The following PKP4 variants were observed in gnomAD, a reference collection of about 807,000 sequenced individuals.
PKP4 encodes the protein plakophilin-4.
In PKP4, 90 loss-of-function variants were observed where a neutral mutation model predicts 145.1. The ratio of observed to expected loss-of-function variants is 0.62; its 90% confidence interval spans 0.52 to 0.74. The LOEUF (loss-of-function observed/expected upper bound fraction) is 0.74, where lower values mean the gene tolerates loss of function less well. PKP4 is among the 30% of genes least tolerant of loss of function. The pLI is 0.00. For synonymous variants in PKP4, 563 were observed against 577.2 expected (o/e 0.98, Z 0.35); for missense variants, 1,340 against 1,482.7 (o/e 0.90, Z 1.58).
At chr2:158,637,513 G>A (rs1430079058) in intron 9 of PKP4, among the ~76,000 whole-genome samples, 9 of 152,052 alleles carry the variant, frequency 5.9e-5, no homozygotes, top group Non-Finnish European at 7.4e-5. Flanking sequence ...TAACCACTTT[G>A]GCACCCACAA....
chr2:158,540,979 C>T (rs1029712772), intron 2 of PKP4, among the ~76,000 whole-genome samples: 3 of 151,766 alleles, frequency 2.0e-5, no homozygotes, highest in Non-Finnish European at 4.4e-5. Flanking sequence ...GAATAATTTC[C>T]CCCTGTATAT....
intron 3 of PKP4, among the ~76,000 whole-genome samples, chr2:158,602,354 A>G (rs1039619246): frequency 6.6e-6 from 1 of 152,208 alleles, no homozygotes. Flanking sequence ...AAAGGAGATC[A>G]TATGTGAAAT....
At chr2:158,534,569 G>A (rs796794977) in intron 2 of PKP4, among the ~76,000 whole-genome samples, 1 of 152,204 alleles carries the variant, frequency 6.6e-6, no homozygotes, top group South Asian at 2.1e-4. Flanking sequence ...GACCCACGGA[G>A]CTGTTAAGAT....
intron 2 of PKP4, among the ~76,000 whole-genome samples, chr2:158,570,140 A>T (rs990521773): frequency 2.6e-5 from 4 of 152,208 alleles, no homozygotes; most frequent in Non-Finnish European, 5.9e-5. Context: ...TGGTCAGGAC[A>T]TTTGATTATC....
At chr2:158,486,614 CAACTCTTCTA>C (rs1694201241) in intron 1 of PKP4, among the ~76,000 whole-genome samples, 1 of 152,238 alleles carries the variant, frequency 6.6e-6, no homozygotes, top group Non-Finnish European at 1.5e-5. Context: ...ATTCCAAATA[CAACTCTTCTA>C]AACTATAAGG....
At chr2:158,478,636 T>A (rs1019401279) in intron 1 of PKP4, among the ~76,000 whole-genome samples, 1 of 152,240 alleles carries the variant, frequency 6.6e-6, no homozygotes, top group African/African-American at 2.4e-5. Flanking sequence ...ACAAGCAAAA[T>A]GTGAATTATC....
intron 1 of PKP4, among the ~76,000 whole-genome samples, chr2:158,486,157 A>T (rs187639169): frequency 5.3e-5 from 8 of 152,324 alleles, no homozygotes; most frequent in African/African-American, 1.9e-4. Flanking sequence ...CAACTTTTTT[A>T]AATTCTTACT....
intron 4 of PKP4, among the ~76,000 whole-genome samples, chr2:158,608,831 T>TTTTG (rs2050877971): frequency 7.4e-6 from 1 of 135,192 alleles, no homozygotes; most frequent in Non-Finnish European, 1.6e-5. Context: ...TTTTTTTTTT[T>TTTTG]GAGACGGAGT....
At position 158,642,540 on chromosome 2, in the gene PKP4, T is replaced by G; in HGVS notation, c.1750T>G (p.Leu584Val). Residue 584 changes from leucine (L) to valine (V), a missense_variant, in exon 11 of 22, where the codon TTG becomes GTG. By Grantham distance (32) the Leu-to-Val change is conservative. Transcript: ENST00000389759. The part of the protein sequence containing the change: ...HLVDLLDHRV[L>V]EVQKNACGAL... ...GGTTGACCTTCTGGACCACAGAGTT[T>G]TGGAAGTTCAGAAGAATGCTTGTGG... 2 of 1,613,762 alleles carry G rather than the reference T, an allele frequency of 1.2e-6. No homozygotes were observed. Among genetic ancestry groups the G allele is most frequent in the Non-Finnish European group, 1.7e-6 (2 of 1,179,694 alleles).
chr2:158,517,658 G>C (rs2042039596), intron 1 of PKP4, among the ~76,000 whole-genome samples: 1 of 151,910 alleles, frequency 6.6e-6, no homozygotes, highest in African/African-American at 2.4e-5. Context: ...GCACATACCT[G>C]TACTCCCAGC....
Position 158,621,329 on chromosome 2 carries a change from A to C in PKP4, c.511A>C (p.Lys171Gln). 1 of 1,614,232 alleles carries C rather than the reference A, an allele frequency of 6.2e-7. No homozygotes were observed. Among genetic ancestry groups the C allele is most frequent in the Non-Finnish European group, 8.5e-7 (1 of 1,180,006 alleles). The change falls in exon 6 of 22, where the codon AAG becomes CAG. Residue 171 changes from lysine (K) to glutamine (Q), a missense_variant. Physicochemically the swap from Lys to Gln is moderately conservative, Grantham distance 53. Transcript: ENST00000389759. ...GSFHNSQNVS[K>Q]ADNRQQHSFI... ...TTTCCACAACAGCCAGAACGTGAGCAAGGCAGACAACAGACAGCAGCATTC... is the reference window on the plus strand; with the variant it reads ...TTTCCACAACAGCCAGAACGTGAGCCAGGCAGACAACAGACAGCAGCATTC...
At chr2:158,596,627 T>TAA (rs3836166) in intron 3 of PKP4, among the ~76,000 whole-genome samples, 58 of 145,474 alleles carry the variant, frequency 4.0e-4, no homozygotes, top group South Asian at 1.1e-3. Context: ...CTTGTCTCTT[T>TAA]AAAAAAAAAA....
At chr2:158,550,087 A>C (rs1036427696) in intron 2 of PKP4, among the ~76,000 whole-genome samples, 6 of 102,142 alleles carry the variant, frequency 5.9e-5, no homozygotes, top group Non-Finnish European at 1.4e-4. Context: ...CTGCTCTCTA[A>C]AGAAGGTTAC....
intron 2 of PKP4, among the ~76,000 whole-genome samples, chr2:158,556,232 G>A (rs1387814205): frequency 6.6e-6 from 1 of 152,082 alleles, no homozygotes; most frequent in East Asian, 1.9e-4. Flanking sequence ...TCTTCATATC[G>A]GGTAGTTTAG....
At chr2:158,639,185 A>G (rs1242647066) in intron 9 of PKP4, among the ~76,000 whole-genome samples, 1 of 152,244 alleles carries the variant, frequency 6.6e-6, no homozygotes, top group Non-Finnish European at 1.5e-5. Context: ...TCAATAAAGG[A>G]TAACTCCTGT....
At chr2:158,472,445 T>TA (rs1043220918) in intron 1 of PKP4, among the ~76,000 whole-genome samples, 3 of 151,296 alleles carry the variant, frequency 2.0e-5, no homozygotes, top group South Asian at 4.2e-4. Context: ...CTGTCTCTAC[T>TA]AAAAAAATAC....
intron 11 of PKP4, among the ~76,000 whole-genome samples, chr2:158,643,867 G>A (rs1325711645): frequency 1.3e-5 from 2 of 152,114 alleles, no homozygotes; most frequent in African/African-American, 2.4e-5. Flanking sequence ...CCGGGTTCAA[G>A]CGATTCTCTC....
At chr2:158,539,481 A>C (rs1032930519) in intron 2 of PKP4, among the ~76,000 whole-genome samples, 5 of 152,234 alleles carry the variant, frequency 3.3e-5, no homozygotes, top group African/African-American at 1.2e-4. Flanking sequence ...CACATGCAGA[A>C]GAGAGAATTT....
At chr2:158,633,430 G>T (rs2053556119) in intron 8 of PKP4, among the ~76,000 whole-genome samples, 1 of 152,222 alleles carries the variant, frequency 6.6e-6, no homozygotes, top group African/African-American at 2.4e-5. Context: ...AGCATCTATA[G>T]CATGGGTACA....
Sources: gnomAD v4.1 joint callset for allele counts (sites outside exome capture counted in the v4.1 genomes callset) on GRCh38, gnomAD v4.1.1 for gene constraint, MANE v1.5 for transcripts, NCBI Gene and HGNC (gene_info 2026-07-23, HGNC 2026-07-21) for gene names.